BRI3BP: variants seen among roughly 807,000 people sequenced by gnomAD.
BRI3BP encodes BRI3 binding protein, also known as BRI3-binding protein.
Under a neutral mutation model 15.8 loss-of-function variants are expected in BRI3BP, and 7 were observed. The observed-to-expected ratio is 0.44, with a 90% confidence interval of 0.25 to 0.83. BRI3BP has a LOEUF of 0.83. Ranked by LOEUF, BRI3BP falls within the 40% of genes least tolerant of loss-of-function variation. The pLI is 0.20. For synonymous variants in BRI3BP, 192 were observed against 163.5 expected (o/e 1.17, Z -1.33); for missense variants, 320 against 339.3 (o/e 0.94, Z 0.45).
chr12:125,039,539 T>C, the BRI3BP span, among the ~76,000 whole-genome samples: 5 of 152,204 alleles, frequency 3.3e-5, no homozygotes, highest in Non-Finnish European at 7.3e-5. Flanking sequence ...AATTCTACTC[T>C]CATCAACTTC....
chr12:125,042,274 A>G, the BRI3BP span, among the ~76,000 whole-genome samples: 1 of 152,192 alleles, frequency 6.6e-6, no homozygotes, highest in Non-Finnish European at 1.5e-5. Flanking sequence ...AGTACCCGAT[A>G]GGTAGTTTTT....
At chr12:125,032,242 C>T (rs1421114794), downstream of BRI3BP, among the ~76,000 whole-genome samples, 1 of 152,026 alleles carries the variant, frequency 6.6e-6, no homozygotes, top group Admixed American at 6.6e-5. Context: ...GCGGGCGGAT[C>T]ACGAGGTCAA....
rs143687175 is a variant in BRI3BP at position 125,001,204 on chromosome 12, G to T, written c.213+7201G>T. Among the ~76,000 whole-genome samples the T allele has an allele frequency of 4.1e-3, 627 of 151,770 alleles. 10 individuals carry two copies. The highest frequency in any genetic ancestry group is 0.015 in the African/African-American group (604 of 41,422). On this transcript the variant is annotated intron_variant, in intron 1 of 2. Coordinates refer to ENST00000341446, the MANE Select transcript of BRI3BP (RefSeq NM_080626.6). Reference sequence around the variant, plus strand: ...CAAATAGCTGGGACCAAGGGTGCCCGCCATCACGCCCGGCTAATTTTTTTT... The same window carrying T: ...CAAATAGCTGGGACCAAGGGTGCCCTCCATCACGCCCGGCTAATTTTTTTT...
intron 2 of BRI3BP, among the ~76,000 whole-genome samples, chr12:125,022,117 G>C (rs934536373): frequency 2.7e-5 from 4 of 150,586 alleles, no homozygotes; most frequent in Non-Finnish European, 5.9e-5. Context: ...CAGATTCTTG[G>C]GCCCACCCAG....
chr12:124,999,682 A>G (rs923248306), intron 1 of BRI3BP, among the ~76,000 whole-genome samples: 9 of 149,936 alleles, frequency 6.0e-5, no homozygotes, highest in Non-Finnish European at 8.9e-5. Flanking sequence ...CAGTGGCGCA[A>G]TTTCGGCTCA....
the BRI3BP span, among the ~76,000 whole-genome samples, chr12:125,048,318 T>A: frequency 5.3e-5 from 8 of 152,088 alleles, no homozygotes; most frequent in Non-Finnish European, 1.2e-4. Context: ...GTTCCTCAGC[T>A]CATCAGATCT....
the BRI3BP span, among the ~76,000 whole-genome samples, chr12:125,045,997 T>C: frequency 6.6e-6 from 1 of 151,912 alleles, no homozygotes; most frequent in African/African-American, 2.4e-5. Context: ...AAACCCCGTC[T>C]CTACTAAAAA....
intron 1 of BRI3BP, among the ~76,000 whole-genome samples, chr12:125,003,369 G>T (rs988191005): frequency 1.3e-5 from 2 of 152,100 alleles, no homozygotes; most frequent in Non-Finnish European, 2.9e-5. Flanking sequence ...CGATGGCTGG[G>T]CCTTGTTTGT....
chr12:125,032,453 G>A (rs1343444070), downstream of BRI3BP, among the ~76,000 whole-genome samples: 1 of 148,338 alleles, frequency 6.7e-6, no homozygotes, highest in Non-Finnish European at 1.5e-5. Context: ...GTGAAACTCC[G>A]TCTGAAAAAC....
intron 1 of BRI3BP, among the ~76,000 whole-genome samples, chr12:124,998,985 G>A (rs1295257523): frequency 6.6e-6 from 1 of 152,202 alleles, no homozygotes; most frequent in East Asian, 1.9e-4. Context: ...GGTTGCATAG[G>A]GAGGATCGCT....
intron 1 of BRI3BP, among the ~76,000 whole-genome samples, chr12:125,004,278 T>A (rs1339831511): frequency 6.6e-6 from 1 of 152,084 alleles, no homozygotes; most frequent in Admixed American, 6.6e-5. Context: ...GGTTCGATGA[T>A]CCCCCAGCCT....
chr12:125,012,494 A>C (rs1413119586), intron 1 of BRI3BP, 40 bp from the exon 2 acceptor site: 2 of 1,501,746 alleles, frequency 1.3e-6, no homozygotes, highest in Non-Finnish European at 1.9e-6. Context: ...TGATGGAGGA[A>C]AACAGTGATT....
chr12:125,046,289 C>T, the BRI3BP span, among the ~76,000 whole-genome samples: 1 of 152,096 alleles, frequency 6.6e-6, no homozygotes, highest in Non-Finnish European at 1.5e-5. Context: ...CGCGGTGGCT[C>T]ACACCTGTAA....
intron 2 of BRI3BP, among the ~76,000 whole-genome samples, chr12:125,014,569 G>T (rs1056676265): frequency 2.6e-5 from 4 of 152,180 alleles, no homozygotes; most frequent in African/African-American, 9.6e-5. Flanking sequence ...CCCCAGCAGA[G>T]GGTGCCCACC....
rs540235698 is a variant in BRI3BP at position 125,030,960 on chromosome 12, ATGG to A, written c.*5533_*5535del. ...TGATTTGAATAGTGTGTGTGTGTACATGGTGTGTGTGTGTGTGTGCACTTTAGT... is the reference window on the plus strand; with the variant it reads ...TGATTTGAATAGTGTGTGTGTGTACATGTGTGTGTGTGTGTGCACTTTAGT... On this transcript the variant is annotated 3_prime_UTR_variant, in exon 3 of 3. Coordinates refer to ENST00000341446, the MANE Select transcript of BRI3BP (RefSeq NM_080626.6). 6.4e-4 allele frequency: 95 copies of A among 149,226 alleles called. No homozygotes were observed. Among genetic ancestry groups the A allele is most frequent in the African/African-American group, 2.2e-3 (92 of 41,050 alleles). The allele number at this position is 149,226 out of a possible 1,614,324, so 9.2% of individuals were successfully genotyped here.
chr12:125,019,536 C>T (rs778541285), intron 2 of BRI3BP, among the ~76,000 whole-genome samples: 5 of 151,770 alleles, frequency 3.3e-5, no homozygotes, highest in East Asian at 3.9e-4. Flanking sequence ...GGATTCAGTA[C>T]GTACTTTAAT....
intron 2 of BRI3BP, among the ~76,000 whole-genome samples, chr12:125,021,685 A>G (rs2135998779): frequency 6.6e-6 from 1 of 152,336 alleles, no homozygotes; most frequent in South Asian, 2.1e-4. Flanking sequence ...GAAGCAAGGC[A>G]CGTCTTACGT....
chr12:125,035,420 A>C (rs187932522), downstream of BRI3BP, among the ~76,000 whole-genome samples: 499 of 136,968 alleles, frequency 3.6e-3, 3 homozygotes, highest in Admixed American at 8.4e-3. Context: ...TTGAGGCAGG[A>C]TCTTGCTTTC....
At chr12:125,004,265 C>T (rs1044500934) in intron 1 of BRI3BP, among the ~76,000 whole-genome samples, 1 of 152,130 alleles carries the variant, frequency 6.6e-6, no homozygotes, top group African/African-American at 2.4e-5. Flanking sequence ...CTTCAACCTC[C>T]CAGGTTCGAT....
Sources: gnomAD v4.1 joint callset for allele counts (sites outside exome capture counted in the v4.1 genomes callset) on GRCh38, gnomAD v4.1.1 for gene constraint, MANE v1.5 for transcripts, NCBI Gene and HGNC (gene_info 2026-07-23, HGNC 2026-07-21) for gene names.